Variants in KCNT2 observed in about 807,000 individuals in gnomAD.
KCNT2 encodes the protein potassium sodium-activated channel subfamily T member 2, also known as potassium channel subfamily T member 2.
Under a neutral mutation model 153.8 loss-of-function variants are expected in KCNT2, and 67 were observed. The observed-to-expected ratio is 0.44, with a 90% CI of 0.36 to 0.53. The LOEUF (loss-of-function observed/expected upper bound fraction) is 0.53, where lower values mean the gene tolerates loss of function less well. KCNT2 is among the 20% of genes least tolerant of loss of function. KCNT2 has a pLI of 0.00. For missense variants in KCNT2, 975 were observed against 1,354.8 expected, an observed-to-expected ratio of 0.72 and a Z score of 4.40; for synonymous variants, 500 against 458.8, an observed-to-expected ratio of 1.09 and a Z score of -1.15.
intron 1 of KCNT2, among the ~76,000 whole-genome samples, chr1:196,587,049 T>G (rs1662774882): frequency 6.6e-6 from 1 of 152,082 alleles, no homozygotes; most frequent in African/African-American, 2.4e-5. Flanking sequence ...TCAAAGCAAC[T>G]TACTGAAATA....
chr1:196,237,122 A>C (rs924017598), intron 26 of KCNT2, among the ~76,000 whole-genome samples: 7 of 151,702 alleles, frequency 4.6e-5, no homozygotes, highest in Non-Finnish European at 7.4e-5. Context: ...TATTTAGTGC[A>C]TACTCAAATA....
At chr1:196,493,558 T>G (rs142560510) in intron 1 of KCNT2, among the ~76,000 whole-genome samples, 4 of 152,280 alleles carry the variant, frequency 2.6e-5, no homozygotes, top group Admixed American at 1.3e-4. Flanking sequence ...GCATTTTTTT[T>G]AATTTTATTA....
chr1:196,601,637 C>A (rs1241031028), intron 1 of KCNT2, among the ~76,000 whole-genome samples: 1 of 152,132 alleles, frequency 6.6e-6, no homozygotes, highest in Non-Finnish European at 1.5e-5. Context: ...TCTACTGATA[C>A]GGTGATTATT....
chr1:196,437,462 AT>A (rs1310889890), intron 8 of KCNT2, among the ~76,000 whole-genome samples: 1 of 145,104 alleles, frequency 6.9e-6, no homozygotes, highest in African/African-American at 2.5e-5. Flanking sequence ...TGTAACACAC[AT>A]TTTGTTTATT....
At chr1:196,272,980 A>G (rs529730559) in intron 25 of KCNT2, among the ~76,000 whole-genome samples, 64 of 151,884 alleles carry the variant, frequency 4.2e-4, no homozygotes, top group Non-Finnish European at 8.1e-4. Flanking sequence ...TCACTATAAT[A>G]TTATTAAGAA....
intron 8 of KCNT2, among the ~76,000 whole-genome samples, chr1:196,446,797 A>C (rs769931706): frequency 2.6e-4 from 40 of 151,582 alleles, no homozygotes; most frequent in Admixed American, 3.3e-4. Context: ...GTTCCAAATA[A>C]GATGAAATTT....
chr1:196,561,995 G>T (rs1428592358), intron 1 of KCNT2, among the ~76,000 whole-genome samples: 1 of 151,804 alleles, frequency 6.6e-6, no homozygotes, highest in African/African-American at 2.4e-5. Context: ...GGAGACCAAG[G>T]TTCTTAATAT....
chr1:196,582,344 T>C (rs1662164254), intron 1 of KCNT2: 1 of 153,232 alleles, frequency 6.5e-6, no homozygotes, highest in Non-Finnish European at 1.5e-5. Flanking sequence ...TAAAAAGTAA[T>C]GTTATATGCA....
chr1:196,412,503 TGG>T (rs1672422012), intron 12 of KCNT2, among the ~76,000 whole-genome samples: 1 of 151,552 alleles, frequency 6.6e-6, no homozygotes, highest in African/African-American at 2.4e-5. Flanking sequence ...CAATTCGGAG[TGG>T]GTTGCAACAG....
At chr1:196,574,694 T>C (rs1661151506) in intron 1 of KCNT2, among the ~76,000 whole-genome samples, 1 of 152,028 alleles carries the variant, frequency 6.6e-6, no homozygotes, top group Non-Finnish European at 1.5e-5. Flanking sequence ...AAGAGATACA[T>C]TTATGTTTAA....
chr1:196,319,640 T>C lies in KCNT2; in HGVS notation c.2277-85A>G, dbSNP rs1663089091. The C allele has an allele frequency of 9.7e-6, 8 of 820,574 alleles. No individual in the cohort carries two copies. In the Admixed American group the frequency reaches 1.8e-4, roughly 18 times the overall value. 50.8% of individuals were successfully genotyped at this position (820,574 alleles called of 1,614,324 possible). Reference sequence around the variant, plus strand: ...GGGAAAGGAAGTAAGTTGACTTAGTTTGCATTTCCAAAACTCAACACTGCT... The same window carrying C: ...GGGAAAGGAAGTAAGTTGACTTAGTCTGCATTTCCAAAACTCAACACTGCT... On this transcript the variant is annotated intron_variant, in intron 19 of 27. Transcript: ENST00000294725.
At chr1:196,483,472 T>A (rs780198463) in intron 3 of KCNT2, among the ~76,000 whole-genome samples, 1 of 152,182 alleles carries the variant, frequency 6.6e-6, no homozygotes, top group Admixed American at 6.5e-5. Flanking sequence ...TAGATCACAT[T>A]ACCCTATTCC....
At chr1:196,305,982 A>G (rs1285328281) in intron 21 of KCNT2, among the ~76,000 whole-genome samples, 1 of 152,094 alleles carries the variant, frequency 6.6e-6, no homozygotes, top group Non-Finnish European at 1.5e-5. Flanking sequence ...ACTCTCTCAA[A>G]TATATACCAA....
At chr1:196,233,288 T>C (rs1470475773) in intron 27 of KCNT2, among the ~76,000 whole-genome samples, 7 of 151,468 alleles carry the variant, frequency 4.6e-5, no homozygotes, top group Non-Finnish European at 1.0e-4. Flanking sequence ...CTAACCAGTA[T>C]TATCAGATGG....
chr1:196,254,759 G>A (rs1325225703), intron 26 of KCNT2, among the ~76,000 whole-genome samples: 1 of 151,412 alleles, frequency 6.6e-6, no homozygotes, highest in East Asian at 1.9e-4. Flanking sequence ...GCATAAGAAA[G>A]ACAATGACTA....
At chr1:196,311,763 G>T (rs963559082) in intron 21 of KCNT2, among the ~76,000 whole-genome samples, 1 of 151,460 alleles carries the variant, frequency 6.6e-6, no homozygotes, top group Non-Finnish European at 1.5e-5. Context: ...TCCTAGATGG[G>T]CTAAGATGAG....
chr1:196,247,253 C>T (rs116765306), intron 26 of KCNT2, among the ~76,000 whole-genome samples: 182 of 152,178 alleles, frequency 1.2e-3, no homozygotes, highest in African/African-American at 4.0e-3. Context: ...AATATACATG[C>T]AACCAACATT....
rs1280178514 is a variant in KCNT2, at chr1:196,331,190, T to C, written c.2069A>G (p.Glu690Gly). The change falls in exon 18 of 28, where the codon GAA becomes GGA. Residue 690 changes from glutamate to glycine, a missense_variant. By Grantham distance (98) the Glu-to-Gly change is moderately conservative. Transcript: ENST00000294725. ...SSPTFCHLLH[E>G]KVPFCCLRLD... Reference sequence around the variant, plus strand: ...TCTTAAGCAGCAAAATGGTACTTTTTCATGAAGGAGATGACAAAAAGTGGG... The same window carrying C: ...TCTTAAGCAGCAAAATGGTACTTTTCCATGAAGGAGATGACAAAAAGTGGG... 6.2e-6 allele frequency: 10 copies of C among 1,609,176 alleles called. No individual in the cohort carries two copies. The highest frequency in any genetic ancestry group is 8.5e-6 in the Non-Finnish European group (10 of 1,175,848).
chr1:196,300,270 T>C (rs897043094), intron 22 of KCNT2, among the ~76,000 whole-genome samples: 8 of 152,230 alleles, frequency 5.3e-5, no homozygotes, highest in Non-Finnish European at 1.0e-4. Context: ...CACAATATTT[T>C]TCATATTGTT....
Sources: allele counts gnomAD v4.1 joint callset (sites outside exome capture counted in the v4.1 genomes callset), GRCh38; gene constraint gnomAD v4.1.1; transcripts MANE v1.5; gene names NCBI Gene and HGNC (gene_info 2026-07-23, HGNC 2026-07-21).